Variants in NPM3 observed in about 807,000 individuals in gnomAD.
NPM3 encodes the protein nucleoplasmin-3.
In NPM3, 12 loss-of-function variants were observed where a neutral mutation model predicts 18.1. That is an observed-to-expected ratio of 0.66 (90% CI 0.42 to 1.07). The LOEUF is 1.07. Among genes scored for constraint, NPM3 ranks in the 50% least tolerant of loss-of-function variants. The pLI, the probability that NPM3 is intolerant of heterozygous loss-of-function variation, is 0.00. For missense variants in NPM3, 274 were observed against 232.1 expected (o/e 1.18, Z -1.17); for synonymous variants, 116 against 93.7 (o/e 1.24, Z -1.38).
chr10:101,783,142 C>T (rs2065156173), intron 1 of NPM3, 131 bp downstream of exon 1: 3 of 851,184 alleles, frequency 3.5e-6, no homozygotes, highest in East Asian at 2.5e-5. Context: ...GCGTGCGAGG[C>T]CCCCTCTCCT....
rs1262517494 is a variant in NPM3, at chr10:101,781,773, G to A, written c.500C>T (p.Pro167Leu). 3.7e-6 allele frequency: 6 copies of A among 1,614,032 alleles called. No individual in the cohort carries two copies. In the African/African-American group the frequency reaches 6.7e-5, roughly 18 times the overall value. The change falls in exon 5 of 6, where the codon CCC becomes CTC. Residue 167 changes from proline (P) to leucine (L), a missense_variant. Physicochemically the swap from Pro to Leu is moderately conservative, Grantham distance 98 (BLOSUM62 -3). Coordinates refer to ENST00000370110, the Ensembl canonical transcript of NPM3. The stretch of plus-strand genomic sequence containing the variant: ...CCCCTGCTTTTTGGCAGGAAGGATG[G>A]GGCACAGCTCAACTTCTTCCTCATC...
chr10:101,782,771 A>T (rs1211691038), intron 2 of NPM3, 68 bp downstream of exon 2: 1 of 1,582,620 alleles, frequency 6.3e-7, no homozygotes, highest in African/African-American at 1.3e-5. Flanking sequence ...GGGGATCCGG[A>T]GGTTGGGTAG....
rs1183668067 is a variant in NPM3 at position 101,782,927 on chromosome 10, G to C, written c.119-3C>G. On this transcript the variant is annotated splice_region_variant and splice_polypyrimidine_tract_variant and intron_variant, in intron 1 of 5. Coordinates refer to ENST00000370110, the Ensembl canonical transcript of NPM3. ...GGTGTGGCCGGAGAGCTCACAGCCT[G>C]GTAGAAATAACAGTGAGTATGCCTG... 1 of 1,613,540 alleles carries C rather than the reference G, an allele frequency of 6.2e-7. No homozygotes were observed. The highest frequency in any genetic ancestry group is 8.5e-7 in the Non-Finnish European group (1 of 1,179,796).
chr10:101,783,117 ACC>A (rs1215472399), intron 1 of NPM3, among the ~76,000 whole-genome samples, 154 bp downstream of exon 1: 2 of 151,728 alleles, frequency 1.3e-5, no homozygotes, highest in Non-Finnish European at 2.9e-5. Context: ...GGATCTCGCC[ACC>A]CCCTTTGGCT....
At chr10:101,782,718 G>T in intron 2 of NPM3, 121 bp from the exon 3 acceptor site, 1 of 1,573,140 alleles carries the variant, frequency 6.4e-7, no homozygotes, top group Non-Finnish European at 8.7e-7. Flanking sequence ...CAGGGGAGCC[G>T]CCCATGCCGG....
chr10:101,782,949 C>T (rs1161727323), intron 1 of NPM3, 25 bp from the exon 2 acceptor site: 4 of 1,609,064 alleles, frequency 2.5e-6, no homozygotes, highest in African/African-American at 1.3e-5. Context: ...AGTGAGTATG[C>T]CTGAGCGTGT....
chr10:101,781,579 T>C (rs951791404), exon 6 of NPM3: 3 of 608,726 alleles, frequency 4.9e-6, no homozygotes, highest in Non-Finnish European at 8.2e-6. Context: ...TTTACAATTG[T>C]TGAAACTTGT....
exon 5 of NPM3, chr10:101,781,791 T>G: frequency 3.1e-6 from 5 of 1,614,118 alleles, no homozygotes; most frequent in Non-Finnish European, 4.2e-6. Context: ...CTCAACTTCT[T>G]CCTCATCACT....
At chr10:101,783,363 C>A (rs772953183) in exon 1 of NPM3, 55 of 1,612,354 alleles carry the variant, frequency 3.4e-5, no homozygotes, top group Middle Eastern at 3.3e-4. Context: ...CTCAAAAACG[C>A]TAAGGCAGCT....
At chr10:101,781,881 ATGGGG>A in intron 4 of NPM3, 27 bp from the exon 5 acceptor site, 2 of 1,614,128 alleles carry the variant, frequency 1.2e-6, no homozygotes, top group Non-Finnish European at 1.7e-6. Context: ...CAGTAGAAGG[ATGGGG>A]TGTTAAGACC....
At position 101,783,367 on chromosome 10, in the gene NPM3, G is replaced by A. The variant is rs760222036; in HGVS notation, c.24C>T (p.Ala8=). The change falls in exon 1 of 6, where the codon GCC becomes GCT. Residue 8 remains alanine (A), a synonymous_variant. Transcript: ENST00000370110. ...GGCTCTCCTGACTCAAAAACGCTAA[G>A]GCAGCTGCAGTACCGGCGGCCATGC... 1.2e-5 allele frequency: 19 copies of A among 1,611,750 alleles called. No homozygotes were observed. In the African/African-American group the frequency reaches 2.1e-4, roughly 18 times the overall value.
At chr10:101,782,778 G>A in intron 2 of NPM3, 61 bp downstream of exon 2, 1 of 1,590,324 alleles carries the variant, frequency 6.3e-7, no homozygotes, top group Non-Finnish European at 8.6e-7. Context: ...CGGAGGTTGG[G>A]TAGAGACCTA....
chr10:101,782,107 T>C (rs1374124609), intron 4 of NPM3, 151 bp downstream of exon 4: 2 of 856,106 alleles, frequency 2.3e-6, no homozygotes, highest in South Asian at 3.3e-5. Context: ...GGAGAGGGCA[T>C]GTCATGCACA....
chr10:101,782,956 G>C, intron 1 of NPM3, 32 bp from the exon 2 acceptor site: 2 of 1,602,536 alleles, frequency 1.2e-6, no homozygotes, highest in Non-Finnish European at 1.7e-6. Flanking sequence ...ATGCCTGAGC[G>C]TGTGTACGGG....
At chr10:101,782,492 A>G in exon 3 of NPM3, 1 of 1,612,510 alleles carries the variant, frequency 6.2e-7, no homozygotes, top group South Asian at 1.1e-5. Flanking sequence ...GGTTGGCAGG[A>G]CAGCTTGAGG....
At chr10:101,783,167 G>T in intron 1 of NPM3, 106 bp downstream of exon 1, 1 of 946,810 alleles carries the variant, frequency 1.1e-6, no homozygotes, top group Non-Finnish European at 1.6e-6. Context: ...GAACAGCGAA[G>T]CAGCCCTCCG....
At chr10:101,781,926 C>G in intron 4 of NPM3, 72 bp from the exon 5 acceptor site, 1 of 1,613,360 alleles carries the variant, frequency 6.2e-7, no homozygotes. Context: ...GCCATTTCTT[C>G]ACGCCGTGGT....
exon 5 of NPM3, chr10:101,781,742 C>A (rs1387807659): frequency 6.2e-7 from 1 of 1,614,020 alleles, no homozygotes. Context: ...AGGGCTAGGG[C>A]CTGCCCCCCT....
At chr10:101,782,997 C>T in intron 1 of NPM3, 73 bp from the exon 2 acceptor site, 1 of 1,395,034 alleles carries the variant, frequency 7.2e-7, no homozygotes, top group Non-Finnish European at 1.0e-6. Flanking sequence ...ACCAACCCGC[C>T]GTCACGTGTA....
Sources: allele counts gnomAD v4.1 joint callset (sites outside exome capture counted in the v4.1 genomes callset), GRCh38; gene constraint gnomAD v4.1.1; transcripts MANE v1.5; gene names NCBI Gene and HGNC (gene_info 2026-07-23, HGNC 2026-07-21).